ZBED4: variants seen among roughly 807,000 people sequenced by gnomAD.
ZBED4 encodes the protein zinc finger BED-type containing 4.
In ZBED4, 4 loss-of-function variants were observed where a neutral mutation model predicts 15.5. The ratio of observed to expected loss-of-function variants is 0.26; its 90% confidence interval spans 0.13 to 0.59. ZBED4 has a LOEUF of 0.59. Among genes scored for constraint, ZBED4 ranks in the 20% least tolerant of loss-of-function variants. The pLI is 0.90. For missense variants in ZBED4, 1,323 were observed against 1,461.8 expected (o/e 0.91, Z 1.55); for synonymous variants, 692 against 608.5 (o/e 1.14, Z -2.02).
chr22:49,868,130 A>G (rs891196349), intron 1 of ZBED4, among the ~76,000 whole-genome samples: 5 of 152,158 alleles, frequency 3.3e-5, no homozygotes, highest in African/African-American at 1.2e-4. Context: ...TGTCCCTTCC[A>G]CTTACATTTG....
intron 1 of ZBED4, among the ~76,000 whole-genome samples, chr22:49,865,000 C>T (rs1346064769): frequency 7.6e-6 from 1 of 130,858 alleles, no homozygotes; most frequent in Non-Finnish European, 1.6e-5. Context: ...TGTTTCTCCC[C>T]TGCAAACCCT....
Position 49,883,910 on chromosome 22 carries a change from A to G in ZBED4, c.248A>G (p.Tyr83Cys). Residue 83 changes from tyrosine (Y) to cysteine (C), a missense_variant, in exon 2 of 2, where the codon TAT becomes TGT. Coordinates refer to ENST00000216268, the MANE Select transcript of ZBED4 (RefSeq NM_014838.3). ...TTGTCTGCAGAGAGTGAGGATGACT[A>G]TGGCGCGCTGTTCTCCCAGTACAGC... ...KYLSAESEDD[Y>C]GALFSQYSST... 6.2e-7 allele frequency: 1 copy of G among 1,609,240 alleles called. No homozygotes were observed. The highest frequency in any genetic ancestry group is 8.5e-7 in the Non-Finnish European group (1 of 1,176,804).
intron 1 of ZBED4, among the ~76,000 whole-genome samples, chr22:49,872,128 C>T (rs1210914954): frequency 6.6e-6 from 1 of 152,182 alleles, no homozygotes; most frequent in Non-Finnish European, 1.5e-5. Context: ...ACATTTTACC[C>T]ACAGTAGAAC....
chr22:49,877,770 A>G (rs2060385275), intron 1 of ZBED4, among the ~76,000 whole-genome samples: 1 of 152,240 alleles, frequency 6.6e-6, no homozygotes, highest in East Asian at 1.9e-4. Context: ...TGCAGGTGGC[A>G]TGGACACACA....
At position 49,883,789 on chromosome 22, in the gene ZBED4, A is replaced by T; in HGVS notation, c.127A>T (p.Lys43Ter). The T allele has an allele frequency of 6.2e-7, 1 of 1,613,602 alleles. No homozygotes were observed. Among genetic ancestry groups the T allele is most frequent in the Non-Finnish European group, 8.5e-7 (1 of 1,179,508 alleles). ...TGATAGTTTGGAAAGAATGGACTTTAAAAGCGAGCAGGAGGACATGAAGCA... is the reference window on the plus strand; with the variant it reads ...TGATAGTTTGGAAAGAATGGACTTTTAAAGCGAGCAGGAGGACATGAAGCA... Reference protein sequence around the residue: ...PPDSLERMDFKSEQEDMKQTD... With the variant: ...PPDSLERMDF The change falls in exon 2 of 2, where the codon AAA (lysine) becomes TAA (stop). Residue 43 changes from lysine (K) to a stop codon, truncating the protein, a stop_gained. Coordinates refer to ENST00000216268, the MANE Select transcript of ZBED4 (RefSeq NM_014838.3). LOFTEE classifies it low-confidence loss of function (END_TRUNC).
Position 49,883,765 on chromosome 22 carries a change from G to T in ZBED4, c.103G>T (p.Asp35Tyr). 6.2e-7 allele frequency: 1 copy of T among 1,613,246 alleles called. No individual in the cohort carries two copies. The highest frequency in any genetic ancestry group is 8.5e-7 in the Non-Finnish European group (1 of 1,179,272). ...EEEDDDGIPP[D>Y]SLERMDFKSE... ...GGAAGATGATGATGGAATTCCTCCT[G>T]ATAGTTTGGAAAGAATGGACTTTAA... The change falls in exon 2 of 2, where the codon GAT becomes TAT. Residue 35 changes from aspartate to tyrosine, a missense_variant. Physicochemically the swap from Asp to Tyr is radical, Grantham distance 160 (BLOSUM62 -3). This residue lies in a region of ZBED4 where 380 missense variants were observed against 413.7 expected (regional missense o/e 0.92). Transcript: ENST00000216268.
At chr22:49,864,035 A>G (rs991951768) in intron 1 of ZBED4, among the ~76,000 whole-genome samples, 2 of 152,174 alleles carry the variant, frequency 1.3e-5, no homozygotes, top group African/African-American at 4.8e-5. Flanking sequence ...GACCTGAAAT[A>G]AGCCATTTCT....
chr22:49,885,574 G>T lies in ZBED4; in HGVS notation c.1912G>T (p.Ala638Ser), dbSNP rs371316523. ...RVPRGTELSG[A>S]SSFDDTNEKF... ...GCCGCGGGGCACAGAATTATCAGGC[G>T]CTTCCTCTTTTGATGACACCAATGA... Residue 638 changes from alanine to serine, a missense_variant, in exon 2 of 2, where the codon GCT becomes TCT. Transcript: ENST00000216268. 8.7e-6 allele frequency: 14 copies of T among 1,602,982 alleles called. No individual in the cohort carries two copies. In the African/African-American group the frequency reaches 1.6e-4, roughly 18 times the overall value.
intron 1 of ZBED4, among the ~76,000 whole-genome samples, chr22:49,875,742 A>G (rs939514698): frequency 6.6e-6 from 1 of 152,124 alleles, no homozygotes; most frequent in Non-Finnish European, 1.5e-5. Context: ...TCTGAGTTGC[A>G]GAACTTATTT....
chr22:49,875,849 CTTCTCCATTTTTTT>C (rs1437701972), intron 1 of ZBED4, among the ~76,000 whole-genome samples: 1 of 151,956 alleles, frequency 6.6e-6, no homozygotes, highest in African/African-American at 2.4e-5. Context: ...TAAATTCTGT[CTTCTCCATTTTTTT>C]CTCTAATCAA....
At chr22:49,858,980 G>A (rs1384754473) in intron 1 of ZBED4, among the ~76,000 whole-genome samples, 1 of 152,108 alleles carries the variant, frequency 6.6e-6, no homozygotes, top group East Asian at 1.9e-4. Context: ...TGTCCCATGA[G>A]GACGGATGCG....
intron 1 of ZBED4, among the ~76,000 whole-genome samples, chr22:49,854,312 G>A (rs1163262834): frequency 1.3e-5 from 2 of 150,758 alleles, no homozygotes; most frequent in Non-Finnish European, 1.5e-5. Context: ...GGCTCGGGGC[G>A]CCGCCCGGGT....
intron 1 of ZBED4, among the ~76,000 whole-genome samples, chr22:49,862,585 A>C (rs1051625422): frequency 6.6e-6 from 1 of 151,538 alleles, no homozygotes; most frequent in Admixed American, 6.6e-5. Context: ...GTGCCGCCCC[A>C]GCCCCTCCCA....
chr22:49,886,881 G>C lies in ZBED4; in HGVS notation c.3219G>C (p.Lys1073Asn). Residue 1073 changes from lysine (K) to asparagine (N), a missense_variant, in exon 2 of 2, where the codon AAG becomes AAC. By Grantham distance (94) the Lys-to-Asn change is moderately conservative. This residue lies in a region of ZBED4 where 312 missense variants were observed against 410.7 expected (regional missense o/e 0.76). Transcript: ENST00000216268. The surrounding 1 kb of genome is among the most constrained non-coding windows in gnomAD (Gnocchi z 7.7). ...GGTCACTTGTGGCCAAGGTGAAGAA[G>C]AAAGACCCAAGAGAAAAGCTGCCTG... ...NLWSLVAKVK[K>N]KDPREKLPEA... 6.2e-7 allele frequency: 1 copy of C among 1,614,128 alleles called. No homozygotes were observed. The highest frequency in any genetic ancestry group is 8.5e-7 in the Non-Finnish European group (1 of 1,180,026).
chr22:49,881,790 C>A (rs900506802), intron 1 of ZBED4, among the ~76,000 whole-genome samples: 7 of 152,312 alleles, frequency 4.6e-5, no homozygotes, highest in Admixed American at 2.6e-4. Flanking sequence ...ACCTCAGCCT[C>A]CCAAGTACTA....
Position 49,888,597 on chromosome 22 carries a change from C to T in ZBED4, c.*1419C>T, listed in dbSNP as rs1418999508. 4.8e-5 allele frequency: 8 copies of T among 167,402 alleles called. No individual in the cohort carries two copies. Among genetic ancestry groups the T allele is most frequent in the African/African-American group, 1.9e-4 (8 of 41,588 alleles). The allele number at this position is 167,402 out of a possible 1,614,324, so 10.4% of individuals were successfully genotyped here. On this transcript the variant is annotated 3_prime_UTR_variant, in exon 2 of 2. Transcript: ENST00000216268. ...GGAAGTGGAGATGTAATTCTTACAA[C>T]AACAGTTCTGATCATGGCCATGGTG... is the stretch of plus-strand genomic sequence containing the variant.
chr22:49,865,149 A>G (rs2060316197), intron 1 of ZBED4, among the ~76,000 whole-genome samples: 1 of 152,120 alleles, frequency 6.6e-6, no homozygotes, highest in Non-Finnish European at 1.5e-5. Context: ...CAGATGGTAT[A>G]ACCTGTCACT....
intron 1 of ZBED4, among the ~76,000 whole-genome samples, chr22:49,863,603 G>A (rs911646228): frequency 6.6e-6 from 1 of 151,350 alleles, no homozygotes; most frequent in Non-Finnish European, 1.5e-5. Context: ...CTCCAGCCTG[G>A]GGACAGAGCG....
chr22:49,856,956 T>C (rs1165172976), intron 1 of ZBED4, among the ~76,000 whole-genome samples: 1 of 152,178 alleles, frequency 6.6e-6, no homozygotes, highest in Non-Finnish European at 1.5e-5. Context: ...CTGTGTGCAA[T>C]AGAAACAGCT....
Sources: allele counts gnomAD v4.1 joint callset (sites outside exome capture counted in the v4.1 genomes callset), GRCh38; gene constraint gnomAD v4.1.1; regional missense constraint gnomAD v4.1.1; non-coding constraint Gnocchi (gnomAD v3.1); transcripts MANE v1.5; gene names NCBI Gene and HGNC (gene_info 2026-07-23, HGNC 2026-07-21).